Variants in GRIA4 observed in about 807,000 individuals in gnomAD.
GRIA4 encodes glutamate receptor 4.
GRIA4 carries 34 observed loss-of-function variants against 104.0 expected under a neutral mutation model. That is an observed-to-expected ratio of 0.33 (90% CI 0.25 to 0.44). GRIA4 has a LOEUF of 0.44. GRIA4 is among the 20% of genes least tolerant of loss of function. GRIA4 has a pLI of 1.00. For missense variants in GRIA4, 750 were observed against 1,096.5 expected, an observed-to-expected ratio of 0.68 and a Z score of 4.46; for synonymous variants, 386 against 381.9, an observed-to-expected ratio of 1.01 and a Z score of -0.13.
chr11:105,747,488 G>A lies in GRIA4; in HGVS notation c.248-5493G>A, dbSNP rs564212495. On this transcript the variant is annotated intron_variant, in intron 3 of 16. Coordinates refer to ENST00000282499, the MANE Select transcript of GRIA4 (RefSeq NM_000829.4). Reference sequence around the variant, plus strand: ...CAACAGTAACACGTAAGACAGGAGGGCAATGTCAAAGTTAAAATGCTTAAA... The same window carrying A: ...CAACAGTAACACGTAAGACAGGAGGACAATGTCAAAGTTAAAATGCTTAAA... Among the ~76,000 whole-genome samples, 5 of 152,192 alleles carry A rather than the reference G, an allele frequency of 3.3e-5. No homozygotes were observed. In the South Asian group the frequency reaches 6.2e-4, roughly 19 times the overall value.
At chr11:105,692,829 A>C (rs1178776599) in intron 3 of GRIA4, among the ~76,000 whole-genome samples, 1 of 152,210 alleles carries the variant, frequency 6.6e-6, no homozygotes, top group Non-Finnish European at 1.5e-5. Context: ...ACACTAACTC[A>C]TAGTATACTT....
At chr11:105,863,502 G>C (rs1267818905) in intron 5 of GRIA4, among the ~76,000 whole-genome samples, 7 of 152,154 alleles carry the variant, frequency 4.6e-5, no homozygotes, top group African/African-American at 1.7e-4. Context: ...AATTTTTGAA[G>C]TTGTAGCTAT....
intron 4 of GRIA4, among the ~76,000 whole-genome samples, chr11:105,817,258 T>A (rs1259513729): frequency 6.6e-6 from 1 of 151,012 alleles, no homozygotes; most frequent in Non-Finnish European, 1.5e-5. Context: ...AGTGAAATAG[T>A]AGTGAATTAT....
chr11:105,686,667 C>G (rs1413069357), intron 3 of GRIA4, among the ~76,000 whole-genome samples: 1 of 152,160 alleles, frequency 6.6e-6, no homozygotes, highest in African/African-American at 2.4e-5. Flanking sequence ...TCCACAGTGA[C>G]TGAACTAATT....
chr11:105,635,051 T>C (rs936906782), intron 3 of GRIA4, among the ~76,000 whole-genome samples: 6 of 152,178 alleles, frequency 3.9e-5, no homozygotes, highest in African/African-American at 1.4e-4. Context: ...CACTAATAAA[T>C]TCGGTGATAC....
At chr11:105,882,126 A>T (rs1946088387) in intron 5 of GRIA4, among the ~76,000 whole-genome samples, 1 of 152,224 alleles carries the variant, frequency 6.6e-6, no homozygotes, top group African/African-American at 2.4e-5. Context: ...AGACTAGTGA[A>T]AGTGACTGCC....
chr11:105,719,042 G>GT (rs914191581), intron 3 of GRIA4, among the ~76,000 whole-genome samples: 10 of 151,930 alleles, frequency 6.6e-5, no homozygotes, highest in Non-Finnish European at 8.8e-5. Flanking sequence ...TCTCTCTCTT[G>GT]TTTTTTTTAA....
At chr11:105,703,201 A>C (rs2135528007) in intron 3 of GRIA4, among the ~76,000 whole-genome samples, 1 of 152,344 alleles carries the variant, frequency 6.6e-6, no homozygotes, top group Middle Eastern at 3.4e-3. Flanking sequence ...TAATAAAACA[A>C]AAACGAGTTC....
Position 105,867,846 on chromosome 11 carries a change from T to C in GRIA4, c.672+5638T>C, listed in dbSNP as rs185475884. ...GCTTTGATTATTTGAATCATCTATA[T>C]AGGATTCAGTGGCATACACTCTGAC... On this transcript the variant is annotated intron_variant, in intron 5 of 16. Transcript: ENST00000282499. Among the ~76,000 whole-genome samples the C allele has an allele frequency of 4.6e-5, 7 of 152,318 alleles. No homozygotes were observed. In the East Asian group the frequency reaches 9.6e-4, roughly 21 times the overall value.
At chr11:105,904,101 C>A in intron 8 of GRIA4, 120 bp downstream of exon 8, 1 of 684,330 alleles carries the variant, frequency 1.5e-6, no homozygotes, top group African/African-American at 1.8e-5. Context: ...TTAAATATAT[C>A]AAGCCATCAT....
intron 3 of GRIA4, among the ~76,000 whole-genome samples, chr11:105,670,393 C>G (rs1173553850): frequency 6.6e-6 from 1 of 152,068 alleles, no homozygotes; most frequent in Non-Finnish European, 1.5e-5. Flanking sequence ...AACAGAGGCC[C>G]TGGGAAAGAA....
rs1267516257 is a variant in GRIA4, at chr11:105,905,107, T to C, written c.1054-90T>C. On this transcript the variant is annotated intron_variant, in intron 8 of 16. Coordinates refer to ENST00000282499, the MANE Select transcript of GRIA4 (RefSeq NM_000829.4). Reference sequence around the variant, plus strand: ...GTTGGTTATAGTTTATAGTTCTACTTTTTTAAGTAGTTATAAGCCCAGCAG... The same window carrying C: ...GTTGGTTATAGTTTATAGTTCTACTCTTTTAAGTAGTTATAAGCCCAGCAG... The C allele has an allele frequency of 8.3e-6, 6 of 725,710 alleles. No individual in the cohort carries two copies. The African/African-American group carries it at 1.0e-4, about 13-fold the overall frequency. The allele number at this position is 725,710 out of a possible 1,614,324, so 45.0% of individuals were successfully genotyped here. A position where few individuals can be genotyped will look rare whatever the true frequency, so the allele number is the denominator to read the frequency against.
chr11:105,668,786 T>A (rs555489216), intron 3 of GRIA4, among the ~76,000 whole-genome samples: 24 of 151,970 alleles, frequency 1.6e-4, no homozygotes, highest in African/African-American at 5.8e-4. Context: ...TCTACTGATT[T>A]CTTTGCTGTG....
intron 5 of GRIA4, among the ~76,000 whole-genome samples, chr11:105,873,891 C>A (rs4255513): frequency 6.6e-6 from 1 of 152,098 alleles, no homozygotes; most frequent in Non-Finnish European, 1.5e-5. Context: ...ATGATAGTTT[C>A]TTTTGCTCTG....
chr11:105,960,745 C>G (rs1271334132), intron 14 of GRIA4, among the ~76,000 whole-genome samples: 1 of 152,214 alleles, frequency 6.6e-6, no homozygotes, highest in Admixed American at 6.5e-5. Context: ...GGACGCTAGG[C>G]CCCAGTGGCG....
At chr11:105,871,517 TA>T (rs1945614778) in intron 5 of GRIA4, among the ~76,000 whole-genome samples, 1 of 150,868 alleles carries the variant, frequency 6.6e-6, no homozygotes, top group East Asian at 1.9e-4. Flanking sequence ...TTTATTTTAA[TA>T]ATATGGGAAG....
chr11:105,865,472 T>A (rs1183525872), intron 5 of GRIA4, among the ~76,000 whole-genome samples: 1 of 152,208 alleles, frequency 6.6e-6, no homozygotes, highest in Non-Finnish European at 1.5e-5. Flanking sequence ...TAAATTGCTA[T>A]GAGTTTGAAA....
At chr11:105,871,352 T>G (rs946114019) in intron 5 of GRIA4, among the ~76,000 whole-genome samples, 1 of 151,886 alleles carries the variant, frequency 6.6e-6, no homozygotes, top group Non-Finnish European at 1.5e-5. Flanking sequence ...GACTGGCCTG[T>G]GGACAAATAT....
At chr11:105,920,225 T>C (rs1947521706) in intron 11 of GRIA4, among the ~76,000 whole-genome samples, 1 of 152,104 alleles carries the variant, frequency 6.6e-6, no homozygotes, top group South Asian at 2.1e-4. Context: ...AAAAATGCAG[T>C]TTAAAAAATA....
Sources: allele counts gnomAD v4.1 joint callset (sites outside exome capture counted in the v4.1 genomes callset), GRCh38; gene constraint gnomAD v4.1.1; transcripts MANE v1.5; gene names NCBI Gene and HGNC (gene_info 2026-07-23, HGNC 2026-07-21).